The following WDR43 variants were observed in gnomAD, a reference collection of about 807,000 sequenced individuals.
WDR43 encodes WD repeat domain 43, also known as WD repeat-containing protein 43.
In WDR43, 13 loss-of-function variants were observed where a neutral mutation model predicts 91.4. That is an observed-to-expected ratio of 0.14 (90% confidence interval 0.09 to 0.23). The LOEUF is 0.23. Among genes scored for constraint, WDR43 ranks in the 10% least tolerant of loss-of-function variants. The probability of loss-of-function intolerance (pLI) is 1.00; values close to 1 mark genes in which losing one functional copy is unlikely to be tolerated. For synonymous variants in WDR43, 331 were observed against 287.9 expected, an observed-to-expected ratio of 1.15 and a Z score of -1.51; for missense variants, 780 against 809.4, an observed-to-expected ratio of 0.96 and a Z score of 0.44.
At chr2:28,946,548 T>G (rs1342440647) in intron 17 of WDR43, 49 bp downstream of exon 17, 1 of 1,590,264 alleles carries the variant, frequency 6.3e-7, no homozygotes, top group Admixed American at 1.8e-5. Flanking sequence ...ATCCTCATAC[T>G]CTGTAAGAAT....
chr2:28,925,479 C>G (rs1478473418), intron 8 of WDR43, among the ~76,000 whole-genome samples: 1 of 152,148 alleles, frequency 6.6e-6, no homozygotes, highest in Non-Finnish European at 1.5e-5. Flanking sequence ...GCCACATGTT[C>G]CTAGTGTCTT....
intron 11 of WDR43, among the ~76,000 whole-genome samples, chr2:28,932,841 G>T (rs577683712): frequency 6.6e-6 from 1 of 152,050 alleles, no homozygotes; most frequent in Non-Finnish European, 1.5e-5. Flanking sequence ...ATCCATAGGG[G>T]ATATTTTTAA....
chr2:28,918,526 G>T (rs1332547786), intron 6 of WDR43, among the ~76,000 whole-genome samples: 1 of 151,944 alleles, frequency 6.6e-6, no homozygotes, highest in Non-Finnish European at 1.5e-5. Flanking sequence ...GTGCCACCAT[G>T]CCTGGCTAAT....
At chr2:28,895,936 G>A (rs1161487600) in intron 1 of WDR43, 1 of 152,168 alleles carries the variant, frequency 6.6e-6, no homozygotes, top group East Asian at 1.9e-4. Context: ...GACGACCTGG[G>A]AAGCCTGCTA....
chr2:28,917,384 G>A (rs1053915069), intron 5 of WDR43, among the ~76,000 whole-genome samples: 3 of 152,128 alleles, frequency 2.0e-5, no homozygotes, highest in African/African-American at 7.2e-5. Flanking sequence ...ACTCAATACC[G>A]TTATAATGTT....
At chr2:28,920,417 G>A (rs1292053623) in intron 6 of WDR43, among the ~76,000 whole-genome samples, 2 of 150,504 alleles carry the variant, frequency 1.3e-5, no homozygotes, top group African/African-American at 4.9e-5. Flanking sequence ...TAGTAGAGAT[G>A]GGGTTTTGCC....
intron 5 of WDR43, among the ~76,000 whole-genome samples, chr2:28,916,208 A>G (rs1332595253): frequency 1.3e-5 from 2 of 152,166 alleles, no homozygotes; most frequent in Admixed American, 6.5e-5. Flanking sequence ...TACAATTGCT[A>G]TGGACATTTT....
chr2:28,942,607 T>G (rs1301985405), intron 16 of WDR43, among the ~76,000 whole-genome samples: 6 of 129,184 alleles, frequency 4.6e-5, no homozygotes, highest in Non-Finnish European at 7.9e-5. Flanking sequence ...TGGAAGATTT[T>G]TTTTTTCTTT....
chr2:28,915,895 T>G (rs1670899269), intron 5 of WDR43, among the ~76,000 whole-genome samples: 1 of 152,204 alleles, frequency 6.6e-6, no homozygotes, highest in Admixed American at 6.5e-5. Context: ...ATGAAAACAT[T>G]TATAATTTAT....
chr2:28,932,031 A>G (rs540288497), intron 11 of WDR43, among the ~76,000 whole-genome samples: 21 of 152,208 alleles, frequency 1.4e-4, no homozygotes, highest in African/African-American at 5.1e-4. Context: ...ACGCATCACC[A>G]TAGCCAGCTA....
intron 1 of WDR43, among the ~76,000 whole-genome samples, chr2:28,896,577 C>T (rs1464876912): frequency 1.3e-5 from 2 of 152,156 alleles, no homozygotes; most frequent in Non-Finnish European, 2.9e-5. Flanking sequence ...AGGATTAGAA[C>T]TCAGGTCCTT....
chr2:28,928,439 A>G (rs1211446778), intron 10 of WDR43, among the ~76,000 whole-genome samples: 1 of 152,214 alleles, frequency 6.6e-6, no homozygotes, highest in Admixed American at 6.5e-5. Flanking sequence ...TTCCTCAGTT[A>G]CATGATAGCT....
chr2:28,940,190 G>A (rs1211046145), intron 14 of WDR43, among the ~76,000 whole-genome samples: 11 of 150,738 alleles, frequency 7.3e-5, no homozygotes, highest in East Asian at 3.9e-4. Context: ...AGAATATCAC[G>A]GGGGTAGGGG....
chr2:28,929,597 C>T lies in WDR43; in HGVS notation c.1324C>T (p.Leu442=), dbSNP rs756289510. 1.2e-6 allele frequency: 2 copies of T among 1,612,242 alleles called. No homozygotes were observed. The highest frequency in any genetic ancestry group is 1.7e-6 in the Non-Finnish European group (2 of 1,179,154). The change falls in exon 11 of 18, where the codon CTG becomes TTG. Residue 442 remains leucine, a synonymous_variant. Coordinates refer to ENST00000407426, the MANE Select transcript of WDR43 (RefSeq NM_015131.3). ...TCTGTAGGTTAGCATTGAAGAACGT[C>T]TGGGAGCAATGGATATAGACACACA... is the stretch of plus-strand genomic sequence containing the variant. ...GGNEVSIEER[L]GAMDIDTHKK... is the part of the protein sequence containing the mutation.
intron 1 of WDR43, among the ~76,000 whole-genome samples, chr2:28,895,536 G>C (rs1670463965): frequency 6.6e-6 from 1 of 151,984 alleles, no homozygotes; most frequent in Admixed American, 6.6e-5. Context: ...TTTAACATCT[G>C]CTCGCCCCTC....
rs10578792 is a variant in WDR43, at chr2:28,918,321, G to GGT, written c.849+349_849+350dup. On this transcript the variant is annotated intron_variant, in intron 6 of 17. Coordinates refer to ENST00000407426, the MANE Select transcript of WDR43 (RefSeq NM_015131.3). ...ATTGTTGGTGATAGCTCCTAACTAA[G>GGT]GTGTGTGTGTGTGTGTGTGTGTGTA... 3.8e-3 allele frequency among the ~76,000 whole-genome samples: 574 copies of GGT among 150,694 alleles called. 4 individuals are homozygous for GGT. Among genetic ancestry groups the GGT allele is most frequent in the Middle Eastern group, 0.01 (3 of 290 alleles).
intron 5 of WDR43, among the ~76,000 whole-genome samples, chr2:28,915,000 A>C (rs1572588220): frequency 6.6e-6 from 1 of 151,992 alleles, no homozygotes; most frequent in Non-Finnish European, 1.5e-5. Context: ...TTATTGCAGC[A>C]TCTGATGGTG....
At chr2:28,938,683 C>G (rs962256260) in intron 14 of WDR43, among the ~76,000 whole-genome samples, 1 of 152,156 alleles carries the variant, frequency 6.6e-6, no homozygotes, top group African/African-American at 2.4e-5. Context: ...CAGTCTCACC[C>G]AACTCCTGCC....
intron 8 of WDR43, among the ~76,000 whole-genome samples, chr2:28,925,799 AAAAAT>A (rs759273386): frequency 4.6e-5 from 7 of 152,212 alleles, no homozygotes; most frequent in Non-Finnish European, 8.8e-5. Flanking sequence ...GTTTAATTAA[AAAAAT>A]AAAAAAAGGA....
Sources: gnomAD v4.1 joint callset for allele counts (sites outside exome capture counted in the v4.1 genomes callset) on GRCh38, gnomAD v4.1.1 for gene constraint, MANE v1.5 for transcripts, NCBI Gene and HGNC (gene_info 2026-07-23, HGNC 2026-07-21) for gene names.